Variants in FBXO34 observed in about 807,000 individuals in gnomAD.
FBXO34 encodes the protein F-box protein 34, also known as F-box only protein 34.
FBXO34 carries 12 observed loss-of-function variants against 24.5 expected under a neutral mutation model. The ratio of observed to expected loss-of-function variants is 0.49; its 90% CI spans 0.31 to 0.79. FBXO34 has a LOEUF of 0.79. Ranked by LOEUF, FBXO34 falls within the 30% of genes least tolerant of loss-of-function variation. The pLI is 0.04. For missense variants in FBXO34, 823 were observed against 857.7 expected (o/e 0.96, Z 0.51); for synonymous variants, 320 against 311.9 (o/e 1.03, Z -0.27).
intron 1 of FBXO34, among the ~76,000 whole-genome samples, chr14:55,295,831 T>C (rs889149445): frequency 6.6e-6 from 1 of 152,256 alleles, no homozygotes; most frequent in African/African-American, 2.4e-5. Context: ...CAAAACACTT[T>C]CCTGTTATAG....
the FBXO34 span, among the ~76,000 whole-genome samples, chr14:55,390,018 C>T: frequency 6.6e-6 from 1 of 151,468 alleles, no homozygotes; most frequent in South Asian, 2.1e-4. Flanking sequence ...CAAGTGAGTA[C>T]CAAGTTAAGA....
At chr14:55,308,763 A>G (rs1004569626) in intron 1 of FBXO34, among the ~76,000 whole-genome samples, 2 of 152,206 alleles carry the variant, frequency 1.3e-5, no homozygotes, top group African/African-American at 4.8e-5. Context: ...GTTTGAACCA[A>G]GAGCTCTCAG....
In FBXO34 at chr14:55,272,922, G is replaced by C. The variant is rs180885121; in HGVS notation, c.-11+1385G>C. On this transcript the variant is annotated intron_variant, in intron 1 of 1. Coordinates refer to ENST00000313833, the MANE Select transcript of FBXO34 (RefSeq NM_017943.4). Reference sequence around the variant, plus strand: ...TAGAGAATAAAAAAATGATTTGTCTGTGAATACTGTTTTTCTTCCAAAGCT... The same window carrying C: ...TAGAGAATAAAAAAATGATTTGTCTCTGAATACTGTTTTTCTTCCAAAGCT... 2.0e-5 allele frequency among the ~76,000 whole-genome samples: 3 copies of C among 152,322 alleles called. No homozygotes were observed. In the East Asian group the frequency reaches 5.8e-4, roughly 29 times the overall value.
chr14:55,272,452 C>T (rs1881184916), intron 1 of FBXO34: 1 of 149,606 alleles, frequency 6.7e-6, no homozygotes, highest in Admixed American at 6.7e-5. Flanking sequence ...AAGCTAAATT[C>T]GTAGTTTGAT....
At chr14:55,433,769 T>C in the FBXO34 span, 3 of 1,542,600 alleles carry the variant, frequency 1.9e-6, no homozygotes, top group Non-Finnish European at 2.7e-6. Context: ...GGAGTTAACA[T>C]TATCCCAGTT....
the FBXO34 span, among the ~76,000 whole-genome samples, chr14:55,395,545 T>C: frequency 5.3e-5 from 8 of 152,222 alleles, no homozygotes; most frequent in Non-Finnish European, 1.0e-4. Context: ...ATATGATCTG[T>C]CAAAATGCTT....
chr14:55,327,462 A>G (rs1883376004), intron 1 of FBXO34, among the ~76,000 whole-genome samples: 1 of 152,186 alleles, frequency 6.6e-6, no homozygotes, highest in Non-Finnish European at 1.5e-5. Context: ...ACAGGGTAGT[A>G]GCAGTGGAGG....
At chr14:55,291,671 TAAA>T (rs1210464834) in intron 1 of FBXO34, among the ~76,000 whole-genome samples, 2 of 151,884 alleles carry the variant, frequency 1.3e-5, no homozygotes, top group Admixed American at 6.6e-5. Context: ...CCACCTCTAA[TAAA>T]AACCCCAACA....
At chr14:55,374,107 T>G (rs1884874702), downstream of FBXO34, among the ~76,000 whole-genome samples, 1 of 152,258 alleles carries the variant, frequency 6.6e-6, no homozygotes. Context: ...CTTTTTTCCC[T>G]CAACTACCAG....
chr14:55,301,739 A>G (rs1882364198), intron 1 of FBXO34, among the ~76,000 whole-genome samples: 2 of 152,222 alleles, frequency 1.3e-5, no homozygotes. Context: ...GCCCAGTGTA[A>G]TGGGTTTGAT....
In FBXO34 at chr14:55,322,938, C is replaced by A. The variant is rs1883189800; in HGVS notation, c.-10-27443C>A. On this transcript the variant is annotated intron_variant, in intron 1 of 1. Transcript: ENST00000313833. ...CCTGTAATCCCAGCACTTTGGGAGG[C>A]TGAGGTGGGCGGATCACGAGGTCAG... is the stretch of plus-strand genomic sequence containing the variant. Among the ~76,000 whole-genome samples, 4 of 146,354 alleles carry A rather than the reference C, an allele frequency of 2.7e-5. No individual in the cohort carries two copies. In the South Asian group the frequency reaches 8.7e-4, roughly 32 times the overall value.
the FBXO34 span, chr14:55,440,560 G>A: frequency 1.9e-6 from 3 of 1,578,390 alleles, no homozygotes; most frequent in Middle Eastern, 2.2e-4. Flanking sequence ...GAGCCTGGGG[G>A]CAGCGAGGCG....
the FBXO34 span, among the ~76,000 whole-genome samples, chr14:55,433,355 G>A: frequency 8.0e-6 from 1 of 124,994 alleles, no homozygotes; most frequent in Non-Finnish European, 1.6e-5. Context: ...GTCTCACTGT[G>A]TTGCCCAGGC....
the FBXO34 span, chr14:55,440,359 T>G: frequency 6.2e-7 from 1 of 1,612,092 alleles, no homozygotes; most frequent in Non-Finnish European, 8.5e-7. Flanking sequence ...CGGGCGGGAC[T>G]TGGGTCCTGA....
chr14:55,299,113 A>G (rs1313502280), intron 1 of FBXO34: 2 of 1,323,656 alleles, frequency 1.5e-6, no homozygotes, highest in Admixed American at 3.4e-5. Context: ...GCGGAATTAG[A>G]AGAACTAGAA....
At chr14:55,389,019 G>A in the FBXO34 span, among the ~76,000 whole-genome samples, 1 of 152,124 alleles carries the variant, frequency 6.6e-6, no homozygotes, top group Non-Finnish European at 1.5e-5. Context: ...CTAAGTCCAG[G>A]ATAGATCCTA....
At chr14:55,382,048 GTAA>G in the FBXO34 span, 1 of 1,614,216 alleles carries the variant, frequency 6.2e-7, no homozygotes, top group Non-Finnish European at 8.5e-7. Flanking sequence ...CCAAGGCCCT[GTAA>G]TGCTAATGCT....
chr14:55,326,084 G>T (rs1373340335), intron 1 of FBXO34: 1 of 152,166 alleles, frequency 6.6e-6, no homozygotes, highest in East Asian at 1.9e-4. Flanking sequence ...CCTATTCAAG[G>T]TGTTTCTAAA....
chr14:55,367,072 T>G (rs1023587409), intron 2 of FBXO34: 4 of 152,634 alleles, frequency 2.6e-5, no homozygotes, highest in African/African-American at 9.7e-5. Flanking sequence ...ATCCTATCCA[T>G]AAAGTTCCCA....
Sources: gnomAD v4.1 joint callset for allele counts (sites outside exome capture counted in the v4.1 genomes callset) on GRCh38, gnomAD v4.1.1 for gene constraint, MANE v1.5 for transcripts, NCBI Gene and HGNC (gene_info 2026-07-23, HGNC 2026-07-21) for gene names.